Variants in HPRT1 observed in about 807,000 individuals in gnomAD.
HPRT1 encodes the protein hypoxanthine-guanine phosphoribosyltransferase.
In HPRT1, 4 loss-of-function variants were observed where a neutral mutation model predicts 19.0. The observed-to-expected ratio is 0.21, with a 90% CI of 0.10 to 0.48. The LOEUF (loss-of-function observed/expected upper bound fraction) is 0.48, where lower values mean the gene tolerates loss of function less well. HPRT1 is among the 20% of genes least tolerant of loss of function. The pLI, the probability that HPRT1 is intolerant of heterozygous loss-of-function variation, is 0.98. For missense variants in HPRT1, 65 were observed against 164.0 expected, an observed-to-expected ratio of 0.40 and a Z score of 3.30; for synonymous variants, 53 against 54.9, an observed-to-expected ratio of 0.97 and a Z score of 0.15.
At position 134,493,553 on chromosome X, in the gene HPRT1, G is replaced by A. The variant is rs2077673265; in HGVS notation, c.448G>A (p.Val150Ile). 8.3e-7 allele frequency: 1 copy of A among 1,205,392 alleles called. No individual in the cohort carries two copies. Among genetic ancestry groups the A allele is most frequent in the African/African-American group, 1.8e-5 (1 of 57,095 alleles). The change falls in exon 6 of 9, where the codon GTC (valine) becomes ATC (isoleucine). Residue 150 changes from valine (V) to isoleucine (I), a missense_variant. Transcript: ENST00000298556. ...GKTMQTLLSL[V>I]RQYNPKMVKV... ...AACAATGCAGACTTTGCTTTCCTTG[G>A]TCAGGCAGTATAATCCAAAGATGGT... is the stretch of plus-strand genomic sequence containing the variant.
chrX:134,472,557 G>T (rs1306533541), intron 1 of HPRT1, among the ~76,000 whole-genome samples: 1 of 111,129 alleles, frequency 9.0e-6, no homozygotes. Flanking sequence ...TAGTTACATG[G>T]TTTTTTGTTT....
At chrX:134,468,754 CAAAA>C (rs150188289) in intron 1 of HPRT1, among the ~76,000 whole-genome samples, 24 of 32,460 alleles carry the variant, frequency 7.4e-4, no homozygotes, top group Non-Finnish European at 1.3e-3. Context: ...GACTCCGTCT[CAAAA>C]AAAAAAAAAA....
At chrX:134,464,188 A>G (rs1392533355) in intron 1 of HPRT1, among the ~76,000 whole-genome samples, 1 of 112,427 alleles carries the variant, frequency 8.9e-6, no homozygotes, top group Non-Finnish European at 1.9e-5. Flanking sequence ...GCTGATTTTA[A>G]TTCTTCTAAC....
At chrX:134,460,442 C>T (rs1300211775) in intron 1 of HPRT1, 104 bp downstream of exon 1, 25 of 637,612 alleles carry the variant, frequency 3.9e-5, no homozygotes, top group Non-Finnish European at 2.1e-6. Flanking sequence ...GGCGGCCGGG[C>T]CCAGGGAACC....
chrX:134,468,002 G>A (rs1450480647), intron 1 of HPRT1, among the ~76,000 whole-genome samples: 1 of 107,953 alleles, frequency 9.3e-6, no homozygotes, highest in African/African-American at 3.4e-5. Flanking sequence ...AGTAGAGACG[G>A]GGTTTTACCA....
chrX:134,488,546 C>G (rs961565310), intron 4 of HPRT1, among the ~76,000 whole-genome samples: 3 of 111,512 alleles, frequency 2.7e-5, no homozygotes, highest in African/African-American at 9.8e-5. Flanking sequence ...ACCCGAATAC[C>G]TGTATTCAAG....
At chrX:134,470,126 C>T (rs1243333986) in intron 1 of HPRT1, among the ~76,000 whole-genome samples, 3 of 112,351 alleles carry the variant, frequency 2.7e-5, no homozygotes, top group Non-Finnish European at 5.6e-5. Flanking sequence ...GAAAGTAGTA[C>T]ATGTTTCTTT....
At chrX:134,486,684 A>G (rs758906943) in intron 4 of HPRT1, 154 bp downstream of exon 4, 7 of 471,174 alleles carry the variant, frequency 1.5e-5, no homozygotes, top group Admixed American at 8.0e-5. Flanking sequence ...ATCGTTCCCT[A>G]GGTCATGTAG....
chrX:134,483,735 G>A (rs1253905891), intron 3 of HPRT1, among the ~76,000 whole-genome samples: 1 of 111,819 alleles, frequency 8.9e-6, no homozygotes, highest in Admixed American at 9.5e-5. Flanking sequence ...CACCCAGGTG[G>A]GGTAATTGAT....
At chrX:134,473,245 T>C in intron 1 of HPRT1, 114 bp from the exon 2 acceptor site, 11 of 527,098 alleles carry the variant, frequency 2.1e-5, no homozygotes, top group Non-Finnish European at 3.7e-5. Flanking sequence ...GTTACTAATA[T>C]CATCTTACAC....
At chrX:134,466,871 T>C (rs770100932) in intron 1 of HPRT1, among the ~76,000 whole-genome samples, 1 of 111,041 alleles carries the variant, frequency 9.0e-6, no homozygotes, top group Admixed American at 9.7e-5. Context: ...GAGAGAATCA[T>C]TGGTGCTGGG....
At chrX:134,481,545 A>G (rs2077640558) in intron 3 of HPRT1, among the ~76,000 whole-genome samples, 1 of 109,523 alleles carries the variant, frequency 9.1e-6, no homozygotes, top group African/African-American at 3.3e-5. Flanking sequence ...CTATCTATCT[A>G]TCTATCTATC....
chrX:134,484,312 C>G (rs926342463), intron 3 of HPRT1, among the ~76,000 whole-genome samples: 2 of 112,149 alleles, frequency 1.8e-5, no homozygotes, highest in African/African-American at 3.2e-5. Flanking sequence ...GTTGCCTTTT[C>G]TTTCTTTCTT....
intron 1 of HPRT1, among the ~76,000 whole-genome samples, chrX:134,463,786 T>C (rs911668487): frequency 3.6e-5 from 4 of 111,952 alleles, no homozygotes; most frequent in African/African-American, 1.3e-4. Flanking sequence ...TCTACCTTTC[T>C]GTAATTTTAT....
At chrX:134,488,071 A>G (rs1341960920) in intron 4 of HPRT1, among the ~76,000 whole-genome samples, 5 of 110,848 alleles carry the variant, frequency 4.5e-5, no homozygotes, top group African/African-American at 1.6e-4. Context: ...AATAAGTATA[A>G]CGAGTGAAAG....
At chrX:134,495,822 G>C (rs943578634) in intron 6 of HPRT1, among the ~76,000 whole-genome samples, 1 of 111,988 alleles carries the variant, frequency 8.9e-6, no homozygotes, top group Non-Finnish European at 1.9e-5. Context: ...CAGAAAGTCC[G>C]TACAGATTTG....
At chrX:134,493,954 T>A (rs2124302290) in intron 6 of HPRT1, among the ~76,000 whole-genome samples, 1 of 112,060 alleles carries the variant, frequency 8.9e-6, no homozygotes, top group South Asian at 3.8e-4. Context: ...CTCCTGGAAT[T>A]GAGTGATGAA....
chrX:134,499,632 G>A (rs900173364), intron 8 of HPRT1, among the ~76,000 whole-genome samples: 11 of 110,282 alleles, frequency 1.0e-4, no homozygotes, highest in Non-Finnish European at 1.9e-4. Context: ...GTGAAACCCC[G>A]TCTCTACTAA....
intron 5 of HPRT1, among the ~76,000 whole-genome samples, chrX:134,491,809 A>G (rs961897066): frequency 9.4e-6 from 1 of 106,228 alleles, no homozygotes; most frequent in African/African-American, 3.4e-5. Context: ...TCAGCTCACT[A>G]ACTACTCTGC....
Sources: allele counts gnomAD v4.1 joint callset (sites outside exome capture counted in the v4.1 genomes callset), GRCh38; gene constraint gnomAD v4.1.1; transcripts MANE v1.5; gene names NCBI Gene and HGNC (gene_info 2026-07-23, HGNC 2026-07-21).